The following CDH18 variants were observed in gnomAD, a reference collection of about 807,000 sequenced individuals.
The protein encoded by CDH18 is cadherin 18.
In CDH18, 31 loss-of-function variants were observed where a neutral mutation model predicts 67.9. That is an observed-to-expected ratio of 0.46 (90% CI 0.34 to 0.62). CDH18 has a LOEUF of 0.62. CDH18 is among the 20% of genes least tolerant of loss of function. The pLI is 0.01. For missense variants in CDH18, 890 were observed against 975.5 expected (o/e 0.91, Z 1.17); for synonymous variants, 362 against 347.2 (o/e 1.04, Z -0.48).
chr5:19,607,406 T>C (rs1748229264), intron 6 of CDH18, among the ~76,000 whole-genome samples: 1 of 151,336 alleles, frequency 6.6e-6, no homozygotes, highest in Admixed American at 6.6e-5. Flanking sequence ...TTTAAAGTCA[T>C]TCTATTTTCA....
chr5:19,557,778 T>A (rs771120677), intron 8 of CDH18, among the ~76,000 whole-genome samples: 3 of 151,936 alleles, frequency 2.0e-5, no homozygotes, highest in African/African-American at 7.2e-5. Flanking sequence ...TTAAATTATA[T>A]CCTAGAACAA....
chr5:19,476,269 A>T (rs1421396243), intron 12 of CDH18, among the ~76,000 whole-genome samples: 1 of 152,094 alleles, frequency 6.6e-6, no homozygotes, highest in Non-Finnish European at 1.5e-5. Context: ...ACTACAGCAG[A>T]CATGGGAAGC....
intron 1 of CDH18, among the ~76,000 whole-genome samples, chr5:20,385,034 G>A (rs1289379825): frequency 3.3e-5 from 5 of 151,818 alleles, no homozygotes; most frequent in South Asian, 4.2e-4. Flanking sequence ...ATGGGGTTTC[G>A]CCATGTTGGC....
chr5:19,750,382 T>C (rs1253375087), intron 3 of CDH18, among the ~76,000 whole-genome samples: 1 of 152,142 alleles, frequency 6.6e-6, no homozygotes, highest in African/African-American at 2.4e-5. Context: ...AGAAGTATTT[T>C]ATTAATTTTT....
chr5:20,446,432 G>T (rs1471248790), intron 1 of CDH18, among the ~76,000 whole-genome samples: 1 of 152,042 alleles, frequency 6.6e-6, no homozygotes. Context: ...ATGGGATCAA[G>T]AACAAAGTCT....
intron 1 of CDH18, among the ~76,000 whole-genome samples, chr5:20,455,397 T>C (rs1750768671): frequency 6.6e-6 from 1 of 152,088 alleles, no homozygotes; most frequent in Admixed American, 6.6e-5. Flanking sequence ...TAAAAAGCTA[T>C]TGCAACAGAC....
chr5:19,893,778 A>T (rs1025987949), intron 2 of CDH18, among the ~76,000 whole-genome samples: 12 of 152,106 alleles, frequency 7.9e-5, no homozygotes, highest in Non-Finnish European at 1.5e-4. Context: ...GCTCACCTAA[A>T]TTCTCTTTTA....
At position 19,540,832 on chromosome 5, in the gene CDH18, G is replaced by T. The variant is rs552694978; in HGVS notation, c.1390+3037C>A. Among the ~76,000 whole-genome samples, 3 of 152,264 alleles carry T rather than the reference G, an allele frequency of 2.0e-5. 1 individual carries two copies. The South Asian group carries it at 6.2e-4, about 32-fold the overall frequency. ...TTCCCTCCTAGGTCTCTGGGTCTGT[G>T]ATGGGAGGGTCAGCTGTGAAGGTCT... is the stretch of plus-strand genomic sequence containing the variant. On this transcript the variant is annotated intron_variant, in intron 9 of 12. Transcript: ENST00000382275.
At chr5:20,192,824 G>A (rs1561865446) in intron 2 of CDH18, among the ~76,000 whole-genome samples, 1 of 151,998 alleles carries the variant, frequency 6.6e-6, no homozygotes, top group Non-Finnish European at 1.5e-5. Flanking sequence ...GCATTATCTT[G>A]GCTATACGAG....
At chr5:20,381,990 CA>C (rs1743945226) in intron 1 of CDH18, among the ~76,000 whole-genome samples, 1 of 152,016 alleles carries the variant, frequency 6.6e-6, no homozygotes, top group Non-Finnish European at 1.5e-5. Context: ...AAAGTTATTA[CA>C]TTAATTTTTT....
intron 1 of CDH18, among the ~76,000 whole-genome samples, chr5:20,527,752 T>C (rs1756156480): frequency 6.6e-6 from 1 of 152,058 alleles, no homozygotes; most frequent in African/African-American, 2.4e-5. Context: ...CAAGAGCTCC[T>C]GTAGAAAGCA....
At chr5:20,320,618 C>T (rs1737922958) in intron 1 of CDH18, among the ~76,000 whole-genome samples, 1 of 152,160 alleles carries the variant, frequency 6.6e-6, no homozygotes, top group Non-Finnish European at 1.5e-5. Flanking sequence ...CACTCACTGC[C>T]CCCAGATTTC....
Position 20,531,211 on chromosome 5 carries a change from A to T in CDH18, c.-580+44251T>A, listed in dbSNP as rs373941458. On this transcript the variant is annotated intron_variant, in intron 1 of 14. Transcript: ENST00000507958. ...GAGATACCATCTCACACTAGTCAGAATGGTGATAATTAAAAAGTCAAGAAT... is the reference window on the plus strand; with the variant it reads ...GAGATACCATCTCACACTAGTCAGATTGGTGATAATTAAAAAGTCAAGAAT... Among the ~76,000 whole-genome samples the T allele has an allele frequency of 4.3e-4, 65 of 152,242 alleles. 1 individual carries two copies. The highest frequency in any genetic ancestry group is 1.5e-3 in the African/African-American group (61 of 41,500).
intron 4 of CDH18, among the ~76,000 whole-genome samples, chr5:19,740,446 T>C (rs1031941042): frequency 6.6e-6 from 1 of 152,094 alleles, no homozygotes; most frequent in African/African-American, 2.4e-5. Flanking sequence ...CTCCTGATTC[T>C]AGGTGAAAGC....
chr5:20,124,733 T>G (rs1748676110), intron 2 of CDH18, among the ~76,000 whole-genome samples: 1 of 152,166 alleles, frequency 6.6e-6, no homozygotes, highest in Non-Finnish European at 1.5e-5. Context: ...TGTTTACCGA[T>G]GCATCCCAAA....
At chr5:19,726,989 C>T (rs1046597471) in intron 4 of CDH18, among the ~76,000 whole-genome samples, 1 of 152,144 alleles carries the variant, frequency 6.6e-6, no homozygotes, top group Non-Finnish European at 1.5e-5. Flanking sequence ...AGGAAGTGTG[C>T]CATCATCATG....
At chr5:20,374,778 T>C (rs1185417833) in intron 1 of CDH18, among the ~76,000 whole-genome samples, 10 of 152,106 alleles carry the variant, frequency 6.6e-5, no homozygotes, top group South Asian at 6.2e-4. Flanking sequence ...ATAATGACAA[T>C]GAAAATTAAT....
intron 1 of CDH18, among the ~76,000 whole-genome samples, chr5:20,264,536 T>C (rs1017569782): frequency 5.9e-5 from 9 of 151,996 alleles, no homozygotes; most frequent in Admixed American, 5.9e-4. Context: ...TGAAGCACCA[T>C]TTTAATCTTC....
chr5:20,069,158 T>A (rs781487587), intron 2 of CDH18, among the ~76,000 whole-genome samples: 1 of 152,108 alleles, frequency 6.6e-6, no homozygotes, highest in East Asian at 1.9e-4. Flanking sequence ...AAACAAGGAA[T>A]GAGAATCCTT....
Sources: allele counts gnomAD v4.1 joint callset (sites outside exome capture counted in the v4.1 genomes callset), GRCh38; gene constraint gnomAD v4.1.1; transcripts MANE v1.5; gene names NCBI Gene and HGNC (gene_info 2026-07-23, HGNC 2026-07-21).